The following CSGALNACT1 variants were observed in gnomAD, a reference collection of about 807,000 sequenced individuals.
CSGALNACT1 encodes beta4GalNAcT-1.
CSGALNACT1 carries 52 observed loss-of-function variants against 51.0 expected under a neutral mutation model. The ratio of observed to expected loss-of-function variants is 1.02; its 90% CI spans 0.82 to 1.29. The LOEUF (loss-of-function observed/expected upper bound fraction) is 1.29. CSGALNACT1 is among the 50% of genes most tolerant of loss of function. The pLI is 0.00. For missense variants in CSGALNACT1, 935 were observed against 679.2 expected, an observed-to-expected ratio of 1.38 and a Z score of -4.19; for synonymous variants, 341 against 254.4, an observed-to-expected ratio of 1.34 and a Z score of -3.24.
chr8:19,436,006 C>T (rs2060315176), intron 6 of CSGALNACT1, among the ~76,000 whole-genome samples: 1 of 152,122 alleles, frequency 6.6e-6, no homozygotes, highest in Admixed American at 6.5e-5. Flanking sequence ...TGGACATAAG[C>T]CACAAAATCG....
chr8:19,540,306 T>C (rs1394678232), intron 3 of CSGALNACT1, among the ~76,000 whole-genome samples: 7 of 152,200 alleles, frequency 4.6e-5, no homozygotes, highest in African/African-American at 1.7e-4. Context: ...TTAAAGGGAC[T>C]GCATGGTAAC....
At chr8:19,497,030 G>C (rs573271163) in intron 4 of CSGALNACT1, among the ~76,000 whole-genome samples, 18 of 152,266 alleles carry the variant, frequency 1.2e-4, no homozygotes, top group African/African-American at 4.3e-4. Context: ...GGTGGGGAAA[G>C]ATCAACAAAT....
chr8:19,475,328 C>G (rs1164426000), intron 4 of CSGALNACT1, among the ~76,000 whole-genome samples: 4 of 152,192 alleles, frequency 2.6e-5, no homozygotes, highest in African/African-American at 9.7e-5. Flanking sequence ...ATAAGGAGGT[C>G]TCACCATTTG....
intron 6 of CSGALNACT1, 50 bp from the exon 6 acceptor site, chr8:19,420,568 C>T (rs2057761434): frequency 1.3e-6 from 2 of 1,581,606 alleles, no homozygotes; most frequent in Non-Finnish European, 8.7e-7. Flanking sequence ...ATGTTGGCAG[C>T]ATCCCCTGAG....
chr8:19,659,817 C>G (rs947774523), intron 1 of CSGALNACT1, among the ~76,000 whole-genome samples: 2 of 152,184 alleles, frequency 1.3e-5, no homozygotes, highest in African/African-American at 4.8e-5. Flanking sequence ...GCACATAACC[C>G]TCCAGCAGTG....
rs542458873 is a variant in CSGALNACT1 at position 19,547,503 on chromosome 8, G to C, written c.-296-41373C>G. Among the ~76,000 whole-genome samples, 23 of 152,228 alleles carry C rather than the reference G, an allele frequency of 1.5e-4. No individual in the cohort carries two copies. The East Asian group carries it at 4.5e-3, about 30-fold the overall frequency. Reference sequence around the variant, plus strand: ...AAGTCTCACGAGATCTAGTGGTTTTGTAAGGGGTTTCCCCCTTCGCTTGGC... The same window carrying C: ...AAGTCTCACGAGATCTAGTGGTTTTCTAAGGGGTTTCCCCCTTCGCTTGGC... On this transcript the variant is annotated intron_variant, in intron 3 of 9. Transcript: ENST00000454498.
intron 1 of CSGALNACT1, among the ~76,000 whole-genome samples, chr8:19,725,677 C>A (rs1299459271): frequency 6.6e-6 from 1 of 152,078 alleles, no homozygotes; most frequent in South Asian, 2.1e-4. Context: ...CATGACTCAG[C>A]CTCCCAAAGT....
At chr8:19,444,330 A>T (rs1252150112) in intron 5 of CSGALNACT1, among the ~76,000 whole-genome samples, 3 of 152,262 alleles carry the variant, frequency 2.0e-5, no homozygotes, top group Admixed American at 2.0e-4. Flanking sequence ...AAGTTTGTGC[A>T]TATTCAGTAC....
chr8:19,755,456 C>CAAAAAAGAAAAA (rs2065299633), intron 1 of CSGALNACT1, among the ~76,000 whole-genome samples: 1 of 74,532 alleles, frequency 1.3e-5, no homozygotes, highest in African/African-American at 4.7e-5. Context: ...TAAAGAAAGA[C>CAAAAAAGAAAAA]AAAAAAAAAA....
intron 1 of CSGALNACT1, among the ~76,000 whole-genome samples, chr8:19,708,053 T>C (rs143406259): frequency 7.2e-4 from 109 of 152,236 alleles, no homozygotes; most frequent in African/African-American, 2.4e-3. Context: ...AAAACACTGC[T>C]GCTCCACCCT....
At position 19,652,312 on chromosome 8, in the gene CSGALNACT1, T is replaced by C. The variant is rs542821201; in HGVS notation, c.-544+30161A>G. On this transcript the variant is annotated intron_variant, in intron 1 of 9. Transcript: ENST00000332246. ...GAGGTTGATTAATAATAACTTTCCTTAAGGTAAATATTTGGTGACCAAGAT... is the reference window on the plus strand; with the variant it reads ...GAGGTTGATTAATAATAACTTTCCTCAAGGTAAATATTTGGTGACCAAGAT... Among the ~76,000 whole-genome samples the C allele has an allele frequency of 3.3e-5, 5 of 152,122 alleles. No homozygotes were observed. The South Asian group carries it at 1.0e-3, about 32-fold the overall frequency.
At chr8:19,487,628 G>T (rs1563682153) in intron 4 of CSGALNACT1, among the ~76,000 whole-genome samples, 1 of 152,140 alleles carries the variant, frequency 6.6e-6, no homozygotes, top group Non-Finnish European at 1.5e-5. Flanking sequence ...CAGCCGAAAA[G>T]CCACCTCTCT....
intron 4 of CSGALNACT1, among the ~76,000 whole-genome samples, chr8:19,498,468 G>A (rs925368726): frequency 2.0e-5 from 3 of 152,162 alleles, no homozygotes; most frequent in East Asian, 1.9e-4. Flanking sequence ...CACCATTCAT[G>A]TGCAGGGCGC....
At chr8:19,755,470 A>AAAAAAAAAAAAG in intron 1 of CSGALNACT1, among the ~76,000 whole-genome samples, 1 of 149,962 alleles carries the variant, frequency 6.7e-6, no homozygotes, top group African/African-American at 2.4e-5. Context: ...AAAAAAAAAA[A>AAAAAAAAAAAAG]AAAAAAAAAA....
intron 3 of CSGALNACT1, among the ~76,000 whole-genome samples, chr8:19,559,769 A>G (rs913094221): frequency 2.6e-5 from 4 of 152,256 alleles, no homozygotes; most frequent in Admixed American, 2.6e-4. Flanking sequence ...GAAGAAAACA[A>G]TAAAACTTCA....
chr8:19,443,927 A>G (rs534224267), intron 5 of CSGALNACT1, among the ~76,000 whole-genome samples: 1 of 152,198 alleles, frequency 6.6e-6, no homozygotes, highest in East Asian at 1.9e-4. Context: ...AAACTGTTCC[A>G]TCTCAGATCA....
chr8:19,601,691 A>G, intron 2 of CSGALNACT1, 80 bp downstream of exon 2: 1 of 371,600 alleles, frequency 2.7e-6, no homozygotes, highest in Non-Finnish European at 5.3e-6. Flanking sequence ...GAAATTTCAT[A>G]CATTTCAAAC....
chr8:19,609,134 A>G (rs1398214104), intron 1 of CSGALNACT1, among the ~76,000 whole-genome samples: 1 of 151,878 alleles, frequency 6.6e-6, no homozygotes, highest in African/African-American at 2.4e-5. Flanking sequence ...TTATATAATT[A>G]AATTTATTCA....
chr8:19,667,021 AAGGAAGGAAGG>A (rs1348971573), intron 1 of CSGALNACT1, among the ~76,000 whole-genome samples: 429 of 41,362 alleles, frequency 0.01, 40 homozygotes, highest in African/African-American at 0.026. Flanking sequence ...GAAAGAAAGG[AAGGAAGGAAGG>A]AAGGAAGGAA....
Sources: gnomAD v4.1 joint callset for allele counts (sites outside exome capture counted in the v4.1 genomes callset) on GRCh38, gnomAD v4.1.1 for gene constraint, MANE v1.5 for transcripts, NCBI Gene and HGNC (gene_info 2026-07-23, HGNC 2026-07-21) for gene names.